Variants in GBE1 observed in about 807,000 individuals in gnomAD.
The protein encoded by GBE1 is 1,4-alpha-glucan-branching enzyme.
A neutral mutation model predicts 88.8 loss-of-function variants in GBE1; 70 were observed. The observed-to-expected ratio is 0.79, with a 90% confidence interval of 0.65 to 0.96. The LOEUF is 0.96. Ranked by LOEUF, GBE1 falls within the 40% of genes least tolerant of loss-of-function variation. GBE1 has a pLI of 0.00. For synonymous variants in GBE1, 284 were observed against 300.1 expected, an observed-to-expected ratio of 0.95 and a Z score of 0.56; for missense variants, 872 against 871.0, an observed-to-expected ratio of 1.00 and a Z score of -0.01.
rs142465563 is a variant in GBE1, at chr3:81,616,543, T to C, written c.993-22520A>G. ...AGGTCTATTTCTGGGTTGTCTATTCTGTTCCATCAATATGTCTATCCCTCC... is the reference window on the plus strand; with the variant it reads ...AGGTCTATTTCTGGGTTGTCTATTCCGTTCCATCAATATGTCTATCCCTCC... On this transcript the variant is annotated intron_variant, in intron 7 of 15. Transcript: ENST00000429644. Among the ~76,000 whole-genome samples the C allele has an allele frequency of 2.8e-3, 432 of 152,256 alleles. 1 individual carries two copies. The highest frequency in any genetic ancestry group is 5.4e-3 in the South Asian group (26 of 4,826).
intron 7 of GBE1, among the ~76,000 whole-genome samples, chr3:81,603,097 T>C (rs1288102174): frequency 2.0e-5 from 3 of 152,156 alleles, no homozygotes; most frequent in Non-Finnish European, 4.4e-5. Flanking sequence ...CATTTTCCTC[T>C]TCTAACCTCT....
chr3:81,501,188 T>C (rs889139172), intron 14 of GBE1, among the ~76,000 whole-genome samples: 1 of 152,176 alleles, frequency 6.6e-6, no homozygotes, highest in Non-Finnish European at 1.5e-5. Flanking sequence ...ATTATGGGAA[T>C]GTGACAAGAC....
chr3:81,513,032 C>T (rs1702746461), intron 14 of GBE1, among the ~76,000 whole-genome samples: 1 of 151,570 alleles, frequency 6.6e-6, no homozygotes, highest in Non-Finnish European at 1.5e-5. Flanking sequence ...TAATTCCATG[C>T]TGCCCAGTTT....
intron 2 of GBE1, among the ~76,000 whole-genome samples, chr3:81,675,874 T>C (rs1182954342): frequency 6.6e-6 from 1 of 152,140 alleles, no homozygotes; most frequent in African/African-American, 2.4e-5. Context: ...TACAGTTCTC[T>C]GTTTTAATGA....
chr3:81,512,290 C>T (rs759461673), intron 14 of GBE1, among the ~76,000 whole-genome samples: 1 of 151,682 alleles, frequency 6.6e-6, no homozygotes, highest in African/African-American at 2.4e-5. Flanking sequence ...CCCAAAACTT[C>T]GCAACACACA....
rs1254540447 is a variant in GBE1, at chr3:81,577,965, A to T, written c.1578T>A (p.Ile526=). 1 of 1,607,730 alleles carries T rather than the reference A, an allele frequency of 6.2e-7. No homozygotes were observed. The highest frequency in any genetic ancestry group is 1.3e-5 in the African/African-American group (1 of 74,650). ...GIQLHKMIRL[I]THGLGGEGYL... is the part of the protein sequence containing the mutation. ...AGCCTTCTCCACCAAGCCCATGCGT[A>T]ATGAGTCGAATCATTTTATGAAGCT... The change falls in exon 12 of 16, where the codon ATT becomes ATA. Residue 526 remains isoleucine (I), a synonymous_variant. Coordinates refer to ENST00000429644, the MANE Select transcript of GBE1 (RefSeq NM_000158.4).
At chr3:81,493,142 C>A (rs1702458479) in intron 15 of GBE1, among the ~76,000 whole-genome samples, 1 of 152,154 alleles carries the variant, frequency 6.6e-6, no homozygotes, top group South Asian at 2.1e-4. Flanking sequence ...CATGAGCAAT[C>A]TAAAAGTGAA....
At chr3:81,678,964 C>CA (rs1705300667) in intron 2 of GBE1, among the ~76,000 whole-genome samples, 1 of 151,870 alleles carries the variant, frequency 6.6e-6, no homozygotes, top group South Asian at 2.1e-4. Context: ...AGGAATTCCA[C>CA]AAAAAAGTAT....
At chr3:81,561,683 TATCA>T (rs1158032906) in intron 12 of GBE1, among the ~76,000 whole-genome samples, 2 of 152,012 alleles carry the variant, frequency 1.3e-5, no homozygotes, top group African/African-American at 4.8e-5. Context: ...TCTTTTACAT[TATCA>T]ATCAAGTAAC....
chr3:81,536,873 T>C, intron 13 of GBE1, 38 bp downstream of exon 13: 1 of 1,498,608 alleles, frequency 6.7e-7, no homozygotes, highest in Non-Finnish European at 9.0e-7. Flanking sequence ...TGTACCTCAT[T>C]GGTGACTAAA....
intron 9 of GBE1, 130 bp from the exon 10 acceptor site, chr3:81,586,320 G>A (rs891188756): frequency 2.5e-5 from 15 of 595,790 alleles, no homozygotes; most frequent in African/African-American, 1.2e-4. Context: ...CATAAAAGTC[G>A]ATAAAATTGT....
intron 3 of GBE1, among the ~76,000 whole-genome samples, chr3:81,650,688 C>T (rs919748083): frequency 6.6e-6 from 1 of 152,044 alleles, no homozygotes; most frequent in Non-Finnish European, 1.5e-5. Context: ...TTTTTTGAGA[C>T]AGGGACTCAC....
At position 81,493,834 on chromosome 3, in the gene GBE1, G is replaced by GT. The variant is rs34052684; in HGVS notation, c.2053-3372dup. 6.1e-3 allele frequency among the ~76,000 whole-genome samples: 899 copies of GT among 147,644 alleles called. 14 individuals carry two copies. Among genetic ancestry groups the GT allele is most frequent in the African/African-American group, 0.02 (797 of 40,470 alleles). On this transcript the variant is annotated intron_variant, in intron 15 of 15. Transcript: ENST00000429644. ...TGAGCCACCACACCCATCCGAGAGGGTTTTTTTTTTTAAAGGATGCCATAA... is the reference window on the plus strand; with the variant it reads ...TGAGCCACCACACCCATCCGAGAGGGTTTTTTTTTTTTAAAGGATGCCATAA...
chr3:81,707,824 C>T (rs1705800196), intron 1 of GBE1, among the ~76,000 whole-genome samples: 2 of 151,960 alleles, frequency 1.3e-5, no homozygotes, highest in Non-Finnish European at 2.9e-5. Context: ...TTAAAGTTAA[C>T]AGACATTTAT....
intron 1 of GBE1, among the ~76,000 whole-genome samples, chr3:81,749,140 A>G (rs1291237493): frequency 2.0e-5 from 3 of 152,052 alleles, no homozygotes; most frequent in Non-Finnish European, 4.4e-5. Flanking sequence ...ATACATAAAT[A>G]TTCATATCTT....
intron 7 of GBE1, among the ~76,000 whole-genome samples, chr3:81,631,624 G>A (rs1704511703): frequency 6.6e-6 from 1 of 151,022 alleles, no homozygotes; most frequent in Non-Finnish European, 1.5e-5. Context: ...GTGTGCACCT[G>A]TAGTCCCAGG....
At chr3:81,491,936 G>A (rs893360969) in intron 15 of GBE1, among the ~76,000 whole-genome samples, 1 of 152,176 alleles carries the variant, frequency 6.6e-6, no homozygotes, top group Admixed American at 6.5e-5. Flanking sequence ...GATACAGCTG[G>A]TTAGTTTTTA....
chr3:81,589,817 C>T (rs186493890), intron 9 of GBE1, among the ~76,000 whole-genome samples: 1 of 151,996 alleles, frequency 6.6e-6, no homozygotes, highest in African/African-American at 2.4e-5. Flanking sequence ...TGATGTTTGA[C>T]ATATAAAATT....
intron 1 of GBE1, among the ~76,000 whole-genome samples, chr3:81,717,862 A>G (rs1705961321): frequency 6.6e-6 from 1 of 152,190 alleles, no homozygotes; most frequent in Admixed American, 6.5e-5. Context: ...ATATTTTACC[A>G]TGTACAAGAA....
Sources: gnomAD v4.1 joint callset for allele counts (sites outside exome capture counted in the v4.1 genomes callset) on GRCh38, gnomAD v4.1.1 for gene constraint, MANE v1.5 for transcripts, NCBI Gene and HGNC (gene_info 2026-07-23, HGNC 2026-07-21) for gene names.